The following PIBF1 variants were observed in gnomAD, a reference collection of about 807,000 sequenced individuals.
PIBF1 encodes the protein progesterone-induced-blocking factor 1.
A neutral mutation model predicts 112.5 loss-of-function variants in PIBF1; 90 were observed. That is an observed-to-expected ratio of 0.80 (90% confidence interval 0.67 to 0.95). The LOEUF is 0.95. PIBF1 is among the 40% of genes least tolerant of loss of function. The pLI, the probability that PIBF1 is intolerant of heterozygous loss-of-function variation, is 0.00. For missense variants in PIBF1, 915 were observed against 852.3 expected, an observed-to-expected ratio of 1.07 and a Z score of -0.92; for synonymous variants, 301 against 288.6, an observed-to-expected ratio of 1.04 and a Z score of -0.44.
intron 13 of PIBF1, among the ~76,000 whole-genome samples, chr13:72,927,813 T>A (rs151285114): frequency 1.3e-3 from 190 of 150,620 alleles, no homozygotes; most frequent in African/African-American, 4.5e-3. Flanking sequence ...TAAATCTGAG[T>A]ATAATCTTTT....
At chr13:72,828,532 T>C (rs998684688) in intron 8 of PIBF1, among the ~76,000 whole-genome samples, 3 of 152,042 alleles carry the variant, frequency 2.0e-5, no homozygotes, top group Non-Finnish European at 2.9e-5. Context: ...CGGTGTTTGG[T>C]TTTCTGTTCT....
chr13:73,003,786 T>C (rs1187669801), intron 17 of PIBF1, among the ~76,000 whole-genome samples: 1 of 152,152 alleles, frequency 6.6e-6, no homozygotes, highest in Non-Finnish European at 1.5e-5. Context: ...CACGGCTCAC[T>C]GCAGCCTCAA....
intron 14 of PIBF1, among the ~76,000 whole-genome samples, chr13:72,957,711 G>A (rs1246979178): frequency 1.3e-5 from 2 of 152,018 alleles, no homozygotes; most frequent in African/African-American, 4.8e-5. Context: ...GGGAGGCCAG[G>A]ATGGATCACT....
chr13:72,792,564 T>TA lies in PIBF1; in HGVS notation c.353+17_353+18insA. 3.9e-6 allele frequency: 5 copies of TA among 1,296,128 alleles called. No homozygotes were observed. Among genetic ancestry groups the TA allele is most frequent in the South Asian group, 1.4e-5 (1 of 72,754 alleles). The allele number at this position is 1,296,128 out of a possible 1,614,324, so 80.3% of individuals were successfully genotyped here. A position where few individuals can be genotyped will look rare whatever the true frequency, so the allele number is the denominator to read the frequency against. On this transcript the variant is annotated intron_variant, in intron 3 of 17. Transcript: ENST00000326291. Reference sequence around the variant, plus strand: ...AGATGCCAGGTAAGAAAAGTTTTTTTTAAAAAAAAAACAACATCTATTTAG... The same window carrying TA: ...AGATGCCAGGTAAGAAAAGTTTTTTTATAAAAAAAAAACAACATCTATTTAG...
chr13:72,935,107 T>TC (rs1328404109), intron 14 of PIBF1, among the ~76,000 whole-genome samples: 1 of 152,124 alleles, frequency 6.6e-6, no homozygotes, highest in Non-Finnish European at 1.5e-5. Flanking sequence ...TGCCTCAGCC[T>TC]CCCAAGTAGC....
chr13:72,952,702 A>T (rs2042334663), intron 14 of PIBF1, among the ~76,000 whole-genome samples: 1 of 130,942 alleles, frequency 7.6e-6, no homozygotes, highest in South Asian at 2.8e-4. Context: ...GCTAGCTTTG[A>T]CTCAGCATTT....
intron 5 of PIBF1, among the ~76,000 whole-genome samples, chr13:72,806,868 G>A (rs1344000055): frequency 6.6e-6 from 1 of 152,002 alleles, no homozygotes; most frequent in Admixed American, 6.6e-5. Context: ...AATCCTTTGG[G>A]TATATACCCA....
chr13:72,977,180 GTTGTTTTGTT>G (rs10617060), intron 16 of PIBF1, among the ~76,000 whole-genome samples: 112,027 of 151,174 alleles, frequency 0.74, 41,860 homozygotes, highest in African/African-American at 0.81. Context: ...TTAATGTTGT[GTTGTTTTGTT>G]TTGTTTTGTT....
chr13:72,853,542 C>G (rs2038267505), intron 9 of PIBF1, among the ~76,000 whole-genome samples: 1 of 152,170 alleles, frequency 6.6e-6, no homozygotes, highest in African/African-American at 2.4e-5. Flanking sequence ...TTTGTCCCTT[C>G]TACTTTCTCC....
chr13:72,818,146 T>C (rs1593965498), intron 5 of PIBF1, among the ~76,000 whole-genome samples: 1 of 152,218 alleles, frequency 6.6e-6, no homozygotes, highest in East Asian at 1.9e-4. Context: ...TCTCTGAATA[T>C]CCTAAAATAC....
intron 14 of PIBF1, among the ~76,000 whole-genome samples, 163 bp downstream of exon 14, chr13:72,931,430 T>C (rs1330309430): frequency 6.6e-6 from 1 of 152,052 alleles, no homozygotes; most frequent in Non-Finnish European, 1.5e-5. Context: ...AAAAACAACT[T>C]ACAGTGTATG....
chr13:72,938,363 G>A lies in PIBF1; in HGVS notation c.1833+7096G>A, dbSNP rs73218781. Among the ~76,000 whole-genome samples, 742 of 151,868 alleles carry A rather than the reference G, an allele frequency of 4.9e-3. 1 individual carries two copies. Among genetic ancestry groups the A allele is most frequent in the Non-Finnish European group, 7.2e-3 (490 of 67,916 alleles). The stretch of plus-strand genomic sequence containing the variant: ...CATTAAGCAGTGACTCCCCATTCCC[G>A]CCTCCACCTCAGTCCCCCACAAGCA... On this transcript the variant is annotated intron_variant, in intron 14 of 17. Coordinates refer to ENST00000326291, the MANE Select transcript of PIBF1 (RefSeq NM_006346.4).
chr13:72,971,162 G>A (rs2042878649), intron 15 of PIBF1, among the ~76,000 whole-genome samples: 1 of 150,346 alleles, frequency 6.7e-6, no homozygotes, highest in African/African-American at 2.4e-5. Context: ...AGAAGAGCCA[G>A]TTGGTATTTG....
intron 2 of PIBF1, 26 bp downstream of exon 2, chr13:72,783,747 T>C: frequency 1.2e-6 from 2 of 1,601,830 alleles, no homozygotes; most frequent in Non-Finnish European, 1.7e-6. Flanking sequence ...AATTTTGTGT[T>C]CTATATGCTT....
chr13:72,823,499 G>A (rs969951852), intron 6 of PIBF1, among the ~76,000 whole-genome samples: 1 of 152,124 alleles, frequency 6.6e-6, no homozygotes, highest in African/African-American at 2.4e-5. Flanking sequence ...AGTTCACTCA[G>A]CAGAATGAAT....
chr13:72,989,842 G>T (rs574556802), intron 16 of PIBF1, among the ~76,000 whole-genome samples: 1 of 152,076 alleles, frequency 6.6e-6, no homozygotes, highest in African/African-American at 2.4e-5. Context: ...TTGAAGTTGC[G>T]CAGTGGAAAG....
At chr13:72,965,124 C>A in intron 14 of PIBF1, 150 bp from the exon 15 acceptor site, 1 of 679,512 alleles carries the variant, frequency 1.5e-6, no homozygotes, top group Non-Finnish European at 2.5e-6. Flanking sequence ...TATTGATTCA[C>A]TCTTAAAACC....
chr13:72,883,504 G>C (rs1218468485), intron 10 of PIBF1, among the ~76,000 whole-genome samples: 4 of 152,108 alleles, frequency 2.6e-5, no homozygotes. Context: ...ATCAGTGATT[G>C]CTGGATCAGA....
At chr13:72,964,680 T>C (rs1352037248) in intron 14 of PIBF1, among the ~76,000 whole-genome samples, 1 of 152,238 alleles carries the variant, frequency 6.6e-6, no homozygotes, top group Non-Finnish European at 1.5e-5. Context: ...TAAAAAGATA[T>C]ATTTTATGTC....
Sources: allele counts gnomAD v4.1 joint callset (sites outside exome capture counted in the v4.1 genomes callset), GRCh38; gene constraint gnomAD v4.1.1; transcripts MANE v1.5; gene names NCBI Gene and HGNC (gene_info 2026-07-23, HGNC 2026-07-21).